Variants in CSNK1A1 observed in about 807,000 individuals in gnomAD.
CSNK1A1 encodes casein kinase 1 alpha 1.
A neutral mutation model predicts 46.1 loss-of-function variants in CSNK1A1; 7 were observed. The observed-to-expected ratio is 0.15, with a 90% CI of 0.09 to 0.29. The LOEUF (loss-of-function observed/expected upper bound fraction) is 0.29, where lower values mean the gene tolerates loss of function less well. Among genes scored for constraint, CSNK1A1 ranks in the 10% least tolerant of loss-of-function variants. The pLI, the probability that CSNK1A1 is intolerant of heterozygous loss-of-function variation, is 1.00. For missense variants in CSNK1A1, 96 were observed against 417.1 expected (o/e 0.23, Z 6.71); for synonymous variants, 137 against 141.5 (o/e 0.97, Z 0.23).
intron 9 of CSNK1A1, chr5:149,501,787 A>C (rs1191101906): frequency 1.0e-6 from 1 of 982,284 alleles, no homozygotes; most frequent in Non-Finnish European, 1.2e-6. Context: ...GAATGTCCTA[A>C]AAATATTTCA....
chr5:149,539,823 C>T (rs1404552491), intron 2 of CSNK1A1, among the ~76,000 whole-genome samples: 1 of 152,082 alleles, frequency 6.6e-6, no homozygotes, highest in Non-Finnish European at 1.5e-5. Flanking sequence ...CACACATCAG[C>T]TGTGTGACTT....
intron 7 of CSNK1A1, among the ~76,000 whole-genome samples, chr5:149,508,296 C>T (rs915536510): frequency 6.6e-6 from 1 of 152,114 alleles, no homozygotes; most frequent in Non-Finnish European, 1.5e-5. Context: ...TAAAATAATA[C>T]ATATTATACA....
At chr5:149,546,621 G>C (rs1196318234) in intron 2 of CSNK1A1, among the ~76,000 whole-genome samples, 5 of 149,556 alleles carry the variant, frequency 3.3e-5, no homozygotes, top group Non-Finnish European at 4.4e-5. Context: ...AACAGAGTGA[G>C]ACTCCATGTC....
intron 2 of CSNK1A1, chr5:149,545,567 C>G: frequency 1.4e-6 from 1 of 714,484 alleles, no homozygotes; most frequent in South Asian, 1.4e-5. Flanking sequence ...GCAAGTCAAT[C>G]GAGTTCGCAG....
At chr5:149,541,417 T>C (rs1762226199) in intron 2 of CSNK1A1, among the ~76,000 whole-genome samples, 1 of 152,088 alleles carries the variant, frequency 6.6e-6, no homozygotes, top group South Asian at 2.1e-4. Flanking sequence ...CCTCCCAAAG[T>C]GCTGGGATTA....
chr5:149,498,016 T>C, intron 9 of CSNK1A1: 1 of 708,784 alleles, frequency 1.4e-6, no homozygotes, highest in South Asian at 6.4e-5. Flanking sequence ...GTATTTATAG[T>C]AGAGACACAG....
intron 9 of CSNK1A1, chr5:149,501,443 C>T: frequency 1.0e-6 from 1 of 985,408 alleles, no homozygotes; most frequent in Non-Finnish European, 1.2e-6. Flanking sequence ...AATTGGTGAA[C>T]TCAGAAAAAG....
chr5:149,500,721 C>T (rs1462863961), intron 9 of CSNK1A1, among the ~76,000 whole-genome samples: 1 of 151,826 alleles, frequency 6.6e-6, no homozygotes, highest in Admixed American at 6.6e-5. Context: ...GCCACAGTGC[C>T]TGGCTGCTTG....
In CSNK1A1 at chr5:149,496,690, G is replaced by T; in HGVS notation, c.*163C>A. The T allele has an allele frequency of 1.2e-6, 1 of 853,238 alleles. No individual in the cohort carries two copies. Among genetic ancestry groups the T allele is most frequent in the Admixed American group, 3.4e-5 (1 of 29,224 alleles). The allele number at this position is 853,238 out of a possible 1,614,324, so 52.9% of individuals were successfully genotyped here. A position where few individuals can be genotyped will look rare whatever the true frequency, so the allele number is the denominator to read the frequency against. On this transcript the variant is annotated 3_prime_UTR_variant, in exon 10 of 10. Coordinates refer to ENST00000377843, the MANE Select transcript of CSNK1A1 (RefSeq NM_001892.6). ...CAACTCAGGATACAGCATCACCAATGCTGCCCAGAGTCAGTTTATACTGAA... is the reference window on the plus strand; with the variant it reads ...CAACTCAGGATACAGCATCACCAATTCTGCCCAGAGTCAGTTTATACTGAA...
chr5:149,531,151 T>A (rs992738478), intron 2 of CSNK1A1, among the ~76,000 whole-genome samples: 1 of 152,126 alleles, frequency 6.6e-6, no homozygotes, highest in Non-Finnish European at 1.5e-5. Context: ...ATACATCTCT[T>A]CTCAGAATGT....
chr5:149,503,507 A>G, intron 9 of CSNK1A1: 2 of 985,310 alleles, frequency 2.0e-6, no homozygotes, highest in Non-Finnish European at 2.4e-6. Flanking sequence ...GAAAAGCCTA[A>G]TTTTTCAAGT....
At chr5:149,499,821 G>C (rs568253788) in intron 9 of CSNK1A1, among the ~76,000 whole-genome samples, 1 of 152,164 alleles carries the variant, frequency 6.6e-6, no homozygotes, top group South Asian at 2.1e-4. Context: ...AGTAAGGCTT[G>C]TAAGTTTGTG....
Position 149,497,308 on chromosome 5 carries a change from T to C in CSNK1A1, c.1007-448A>G, listed in dbSNP as rs577591973. On this transcript the variant is annotated intron_variant, in intron 9 of 9. Transcript: ENST00000377843. ...ACGGTTAGCTTTAATAATAAATGCA[T>C]TCAAAGCATAATTATCTGTATTATT... 3.4e-4 allele frequency: 341 copies of C among 989,420 alleles called. 2 individuals are homozygous for C. The South Asian group carries it at 0.014, about 40-fold the overall frequency. The allele number at this position is 989,420 out of a possible 1,614,324, so 61.3% of individuals were successfully genotyped here. A position where few individuals can be genotyped will look rare whatever the true frequency, so the allele number is the denominator to read the frequency against.
chr5:149,548,747 G>A (rs1390932267), intron 2 of CSNK1A1, among the ~76,000 whole-genome samples: 1 of 152,146 alleles, frequency 6.6e-6, no homozygotes, highest in African/African-American at 2.4e-5. Flanking sequence ...TACTCAGGAG[G>A]CTGAGGCACG....
intron 2 of CSNK1A1, among the ~76,000 whole-genome samples, chr5:149,531,883 CTTATTA>C (rs577989711): frequency 1.3e-5 from 2 of 151,450 alleles, no homozygotes; most frequent in Non-Finnish European, 2.9e-5. Context: ...ACATACTCTC[CTTATTA>C]TTATTATTTT....
chr5:149,510,086 A>G, intron 6 of CSNK1A1, 133 bp from the exon 7 acceptor site: 3 of 591,240 alleles, frequency 5.1e-6, no homozygotes, highest in Non-Finnish European at 8.3e-6. Flanking sequence ...TTAAAAAATC[A>G]AAGTATAATA....
intron 4 of CSNK1A1, among the ~76,000 whole-genome samples, chr5:149,516,337 A>G (rs1761402241): frequency 1.2e-5 from 1 of 84,880 alleles, no homozygotes; most frequent in Non-Finnish European, 2.1e-5. Context: ...ACAAAACAAA[A>G]AAACCCCCCA....
intron 2 of CSNK1A1, among the ~76,000 whole-genome samples, chr5:149,531,053 C>T (rs1761881600): frequency 6.7e-6 from 1 of 149,556 alleles, no homozygotes; most frequent in Non-Finnish European, 1.5e-5. Flanking sequence ...TTTTCCTATA[C>T]ATTCATATTT....
chr5:149,545,296 A>T (rs190881720), intron 2 of CSNK1A1: 2 of 291,140 alleles, frequency 6.9e-6, no homozygotes, highest in East Asian at 1.3e-4. Flanking sequence ...TTGTACTAAT[A>T]GCACAGGAGG....
Sources: gnomAD v4.1 joint callset for allele counts (sites outside exome capture counted in the v4.1 genomes callset) on GRCh38, gnomAD v4.1.1 for gene constraint, MANE v1.5 for transcripts, NCBI Gene and HGNC (gene_info 2026-07-23, HGNC 2026-07-21) for gene names.